MLLT3: variants seen among roughly 807,000 people sequenced by gnomAD.
MLLT3 encodes MLLT3 super elongation complex subunit, also known as protein AF-9.
MLLT3 carries 4 observed loss-of-function variants against 53.2 expected under a neutral mutation model. The ratio of observed to expected loss-of-function variants is 0.08; its 90% CI spans 0.04 to 0.17. The LOEUF (loss-of-function observed/expected upper bound fraction) is 0.17, where lower values mean the gene tolerates loss of function less well. MLLT3 is among the 10% of genes least tolerant of loss of function. The probability of loss-of-function intolerance (pLI) is 1.00; values close to 1 mark genes in which losing one functional copy is unlikely to be tolerated. For missense variants in MLLT3, 569 were observed against 684.0 expected (o/e 0.83, Z 1.87); for synonymous variants, 283 against 230.6 (o/e 1.23, Z -2.06).
intron 2 of MLLT3, among the ~76,000 whole-genome samples, chr9:20,557,637 T>C (rs1282628182): frequency 6.6e-6 from 1 of 152,170 alleles, no homozygotes; most frequent in Non-Finnish European, 1.5e-5. Context: ...CAAACAAGAA[T>C]ATCTATGAAC....
chr9:20,524,722 C>G (rs1818154874), intron 2 of MLLT3, among the ~76,000 whole-genome samples: 1 of 152,084 alleles, frequency 6.6e-6, no homozygotes, highest in South Asian at 2.1e-4. Flanking sequence ...TCACTCATAC[C>G]TGTTCCCCAT....
intron 3 of MLLT3, among the ~76,000 whole-genome samples, chr9:20,451,617 T>C (rs1823840827): frequency 6.6e-6 from 1 of 152,200 alleles, no homozygotes; most frequent in Admixed American, 6.5e-5. Context: ...ATCGACATTA[T>C]GTCAGTCTGT....
In MLLT3 at chr9:20,393,434, C is replaced by G. The variant is rs1002023081; in HGVS notation, c.1125+20287G>C. 2.6e-5 allele frequency among the ~76,000 whole-genome samples: 4 copies of G among 152,286 alleles called. No homozygotes were observed. In the East Asian group the frequency reaches 7.7e-4, roughly 29 times the overall value. On this transcript the variant is annotated intron_variant, in intron 5 of 10. Transcript: ENST00000380338. ...CTTTATCACTGGATGCTGATTGTTGCATTTCAAAGGCTAAATGCTCACATT... is the reference window on the plus strand; with the variant it reads ...CTTTATCACTGGATGCTGATTGTTGGATTTCAAAGGCTAAATGCTCACATT...
chr9:20,462,846 A>G (rs1824144878), intron 2 of MLLT3, among the ~76,000 whole-genome samples: 1 of 152,090 alleles, frequency 6.6e-6, no homozygotes, highest in African/African-American at 2.4e-5. Flanking sequence ...GTTTTAAAAG[A>G]AGGGATAGAG....
intron 2 of MLLT3, among the ~76,000 whole-genome samples, chr9:20,614,687 CA>C (rs1820781311): frequency 6.6e-6 from 1 of 152,008 alleles, no homozygotes; most frequent in South Asian, 2.1e-4. Flanking sequence ...CAAGGTTCTT[CA>C]TAAAAGCTAC....
chr9:20,460,221 G>A (rs1824074535), intron 2 of MLLT3, among the ~76,000 whole-genome samples: 1 of 152,134 alleles, frequency 6.6e-6, no homozygotes, highest in Non-Finnish European at 1.5e-5. Context: ...GTTTATGATA[G>A]CTAAGCATTC....
At chr9:20,357,895 C>G (rs574322918) in intron 8 of MLLT3, among the ~76,000 whole-genome samples, 1 of 151,682 alleles carries the variant, frequency 6.6e-6, no homozygotes, top group Non-Finnish European at 1.5e-5. Flanking sequence ...AGTATGTTCT[C>G]AACTCTTTAT....
At chr9:20,525,663 T>C (rs1479382211) in intron 2 of MLLT3, among the ~76,000 whole-genome samples, 1 of 152,216 alleles carries the variant, frequency 6.6e-6, no homozygotes, top group African/African-American at 2.4e-5. Flanking sequence ...CTCTCAAATG[T>C]AGGTCTAGTC....
intron 8 of MLLT3, among the ~76,000 whole-genome samples, chr9:20,359,145 C>CAA (rs920197622): frequency 0.074 from 1,547 of 20,930 alleles, 195 homozygotes; most frequent in African/African-American, 0.12. Context: ...AACTCCATCT[C>CAA]AAAAAAAAAA....
intron 8 of MLLT3, among the ~76,000 whole-genome samples, chr9:20,358,179 C>T (rs1039141687): frequency 6.6e-6 from 1 of 151,818 alleles, no homozygotes; most frequent in Non-Finnish European, 1.5e-5. Flanking sequence ...CACACCTGAC[C>T]CCAGTGCAAG....
intron 2 of MLLT3, among the ~76,000 whole-genome samples, chr9:20,462,532 G>T (rs1824136116): frequency 6.6e-6 from 1 of 151,990 alleles, no homozygotes; most frequent in African/African-American, 2.4e-5. Context: ...TAGCGGAGAA[G>T]ATGCAGACCA....
chr9:20,620,545 G>T lies in MLLT3; in HGVS notation c.193+109C>A, dbSNP rs907455795. ...CCGCGCACCCGGATCCCGAGGCTAC[G>T]CCGGCGAGCGCGGCGCGGGGGGCGG... On this transcript the variant is annotated intron_variant, in intron 2 of 10. Transcript: ENST00000380338. This position sits in a 1 kb window ranked among gnomAD's most constrained non-coding sequence, Gnocchi z 6.1. 1 of 992,496 alleles carries T rather than the reference G, an allele frequency of 1.0e-6. No homozygotes were observed. The highest frequency in any genetic ancestry group is 1.3e-6 in the Non-Finnish European group (1 of 744,272). The allele number at this position is 992,496 out of a possible 1,614,324, so 61.5% of individuals were successfully genotyped here.
intron 2 of MLLT3, among the ~76,000 whole-genome samples, chr9:20,480,787 A>AT (rs1824642191): frequency 6.6e-6 from 1 of 152,200 alleles, no homozygotes; most frequent in Non-Finnish European, 1.5e-5. Context: ...GAACCCATTT[A>AT]TTTTAATATC....
chr9:20,432,321 T>C (rs1823292031), intron 4 of MLLT3, among the ~76,000 whole-genome samples: 1 of 152,240 alleles, frequency 6.6e-6, no homozygotes, highest in Admixed American at 6.5e-5. Flanking sequence ...TATAGTATTA[T>C]AGTTCTACTG....
At chr9:20,400,375 C>T (rs1822425054) in intron 5 of MLLT3, among the ~76,000 whole-genome samples, 1 of 152,022 alleles carries the variant, frequency 6.6e-6, no homozygotes, top group Admixed American at 6.6e-5. Context: ...GATTTCAATT[C>T]AAACAAAATG....
intron 10 of MLLT3, among the ~76,000 whole-genome samples, chr9:20,349,715 C>A (rs1342109402): frequency 6.6e-6 from 1 of 152,220 alleles, no homozygotes; most frequent in African/African-American, 2.4e-5. Flanking sequence ...TCAGCCCGGG[C>A]ATTTCTCATG....
intron 10 of MLLT3, among the ~76,000 whole-genome samples, chr9:20,348,202 A>G (rs112627069): frequency 0.014 from 2,101 of 152,290 alleles, 24 homozygotes; most frequent in Non-Finnish European, 0.022. Flanking sequence ...GCTGCAAACT[A>G]ACTCCCTAAT....
intron 5 of MLLT3, among the ~76,000 whole-genome samples, chr9:20,385,703 T>A (rs1822017352): frequency 6.6e-6 from 1 of 152,150 alleles, no homozygotes; most frequent in Non-Finnish European, 1.5e-5. Flanking sequence ...TTTAAAAATG[T>A]CTCCAGATAG....
chr9:20,574,910 G>T (rs189253717), intron 2 of MLLT3, among the ~76,000 whole-genome samples: 3 of 152,156 alleles, frequency 2.0e-5, no homozygotes, highest in Admixed American at 6.6e-5. Context: ...GATCAACCAC[G>T]TTATATGTAA....
Sources: gnomAD v4.1 joint callset for allele counts (sites outside exome capture counted in the v4.1 genomes callset) on GRCh38, gnomAD v4.1.1 for gene constraint, Gnocchi (gnomAD v3.1) non-coding constraint, MANE v1.5 for transcripts, NCBI Gene and HGNC (gene_info 2026-07-23, HGNC 2026-07-21) for gene names.